Variants in DST observed in about 807,000 individuals in gnomAD.
DST encodes the protein bullous pemphigoid antigen.
In DST, 253 loss-of-function variants were observed where a neutral mutation model predicts 875.2. That is an observed-to-expected ratio of 0.29 (90% CI 0.26 to 0.32). The LOEUF (loss-of-function observed/expected upper bound fraction) is 0.32, where lower values mean the gene tolerates loss of function less well. Ranked by LOEUF, DST falls within the 10% of genes least tolerant of loss-of-function variation. DST has a pLI of 1.00. For missense variants in DST, 8,287 were observed against 9,111.6 expected (o/e 0.91, Z 3.68); for synonymous variants, 3,124 against 3,197.1 (o/e 0.98, Z 0.77).
intron 90 of DST, among the ~76,000 whole-genome samples, chr6:56,481,789 T>G (rs911015579): frequency 6.6e-6 from 1 of 152,186 alleles, no homozygotes; most frequent in Admixed American, 6.5e-5. Flanking sequence ...TAAATCAATA[T>G]GCTTCCTTGA....
At chr6:56,893,604 TA>T (rs1293212454) in intron 3 of DST, among the ~76,000 whole-genome samples, 13 of 73,504 alleles carry the variant, frequency 1.8e-4, no homozygotes, top group South Asian at 5.7e-4. Flanking sequence ...TTTTATTTTT[TA>T]TTTTTTATTT....
At chr6:56,933,962 T>C (rs963462745) in intron 2 of DST, among the ~76,000 whole-genome samples, 1 of 152,204 alleles carries the variant, frequency 6.6e-6, no homozygotes, top group Admixed American at 6.5e-5. Flanking sequence ...AGCCAATTCC[T>C]ACATTGTCTC....
intron 4 of DST, among the ~76,000 whole-genome samples, chr6:56,808,897 G>A (rs1017431587): frequency 2.0e-5 from 3 of 152,166 alleles, no homozygotes; most frequent in African/African-American, 7.2e-5. Flanking sequence ...ATAATGGCTA[G>A]TGGGCAAATT....
intron 4 of DST, among the ~76,000 whole-genome samples, chr6:56,776,305 C>T (rs2099678983): frequency 6.6e-6 from 1 of 152,110 alleles, no homozygotes. Context: ...CCAGAGAAGA[C>T]TACAGAGACA....
chr6:56,489,643 T>G, intron 85 of DST, 34 bp from the exon 86 acceptor site: 1 of 1,593,214 alleles, frequency 6.3e-7, no homozygotes, highest in Non-Finnish European at 8.5e-7. Flanking sequence ...TCTGAAAATT[T>G]TTCAAGCATA....
intron 4 of DST, among the ~76,000 whole-genome samples, chr6:56,770,999 CAA>C (rs199539222): frequency 2.8e-4 from 22 of 77,292 alleles, no homozygotes; most frequent in Non-Finnish European, 2.4e-4. Flanking sequence ...AACTCCATCT[CAA>C]AAAAAAAAAA....
intron 49 of DST, among the ~76,000 whole-genome samples, chr6:56,587,564 C>T (rs1221963882): frequency 6.6e-6 from 1 of 152,042 alleles, no homozygotes; most frequent in Non-Finnish European, 1.5e-5. Flanking sequence ...CAGAGAATGC[C>T]ACAAAGATAC....
chr6:56,689,343 C>T (rs1277966947), intron 9 of DST, among the ~76,000 whole-genome samples: 2 of 152,092 alleles, frequency 1.3e-5, no homozygotes, highest in Admixed American at 6.6e-5. Flanking sequence ...AGAAGAACTT[C>T]GATCTTCTGC....
intron 2 of DST, among the ~76,000 whole-genome samples, chr6:56,902,646 T>C (rs1794658454): frequency 6.6e-6 from 1 of 152,188 alleles, no homozygotes; most frequent in Non-Finnish European, 1.5e-5. Context: ...CATCCGCAAA[T>C]ACTTTAGTCT....
chr6:56,772,657 A>T (rs752918706), intron 4 of DST, among the ~76,000 whole-genome samples: 2 of 152,214 alleles, frequency 1.3e-5, no homozygotes, highest in African/African-American at 2.4e-5. Context: ...AACAATTAAA[A>T]TCACAAGTAG....
At chr6:56,928,343 A>G (rs1478955938) in intron 2 of DST, among the ~76,000 whole-genome samples, 1 of 152,038 alleles carries the variant, frequency 6.6e-6, no homozygotes, top group Non-Finnish European at 1.5e-5. Flanking sequence ...AGTGCCCCCT[A>G]TTGACGCAGC....
In DST at chr6:56,560,296, A is replaced by C; in HGVS notation, c.14438T>G (p.Ile4813Arg). Reference sequence around the variant, plus strand: ...TTCATCTAAGTAACGCAACATACCTATTTCTGTCAACATCTGTTTCCATCT... The same window carrying C: ...TTCATCTAAGTAACGCAACATACCTCTTTCTGTCAACATCTGTTTCCATCT... Reference protein sequence around the residue: ...APRWKQMLTEIDSKWQELNQL... With the variant: ...APRWKQMLTERDSKWQELNQL... Residue 4813 changes from isoleucine to arginine, a missense_variant and splice_region_variant, in exon 58 of 104, where the codon ATA (isoleucine) becomes AGA (arginine). This residue lies in a region of DST where 1,513 missense variants were observed against 1,677.8 expected (regional missense o/e 0.90). Transcript: ENST00000680361. 6.2e-7 allele frequency: 1 copy of C among 1,605,378 alleles called. No individual in the cohort carries two copies.
Position 56,742,852 on chromosome 6 carries a change from C to A in DST, c.626-7563G>T, listed in dbSNP as rs184364889. 2.0e-5 allele frequency among the ~76,000 whole-genome samples: 3 copies of A among 152,296 alleles called. No individual in the cohort carries two copies. In the East Asian group the frequency reaches 5.8e-4, roughly 29 times the overall value. On this transcript the variant is annotated intron_variant, in intron 4 of 103. Coordinates refer to ENST00000680361, the MANE Select transcript of DST (RefSeq NM_001374736.1). ...AGACATACATCCTTCTGGGAGAAAA[C>A]CACTTTTGGGTATTTCTTTATGTAT...
intron 2 of DST, among the ~76,000 whole-genome samples, chr6:56,927,963 C>G (rs1808067440): frequency 1.3e-5 from 2 of 152,076 alleles, no homozygotes; most frequent in Admixed American, 6.6e-5. Context: ...CATGGGAGCT[C>G]AAAGGAAGGG....
intron 94 of DST, among the ~76,000 whole-genome samples, chr6:56,471,474 A>C (rs568710919): frequency 1.3e-5 from 2 of 152,302 alleles, no homozygotes; most frequent in South Asian, 2.1e-4. Flanking sequence ...TTTACAAATA[A>C]AATTCCTAAA....
intron 36 of DST, among the ~76,000 whole-genome samples, chr6:56,621,744 T>C (rs1254632416): frequency 6.6e-6 from 1 of 152,188 alleles, no homozygotes; most frequent in Non-Finnish European, 1.5e-5. Context: ...TATTCTAGTG[T>C]GTTAGTTTTG....
Position 56,891,847 on chromosome 6 carries a change from G to T in DST, c.417+8574C>A, listed in dbSNP as rs139205411. Among the ~76,000 whole-genome samples, 1,327 of 152,308 alleles carry T rather than the reference G, an allele frequency of 8.7e-3. 20 individuals are homozygous for T. The highest frequency in any genetic ancestry group is 0.03 in the African/African-American group (1,259 of 41,550). On this transcript the variant is annotated intron_variant, in intron 3 of 103. Transcript: ENST00000680361. ...TCAAAAAAAAACACTCCTCAGAATGGTTTTTTGCCCATGCAACTGAGTAAT... is the reference window on the plus strand; with the variant it reads ...TCAAAAAAAAACACTCCTCAGAATGTTTTTTTGCCCATGCAACTGAGTAAT...
At chr6:56,940,675 G>A (rs1816081473) in intron 2 of DST, among the ~76,000 whole-genome samples, 1 of 151,852 alleles carries the variant, frequency 6.6e-6, no homozygotes, top group Non-Finnish European at 1.5e-5. Context: ...GACCTCCTGG[G>A]CTCAAGAGAT....
chr6:56,605,325 T>G lies in DST; in HGVS notation c.9303A>C (p.Glu3101Asp). The G allele has an allele frequency of 6.2e-7, 1 of 1,612,452 alleles. No individual in the cohort carries two copies. Among genetic ancestry groups the G allele is most frequent in the East Asian group, 2.2e-5 (1 of 44,810 alleles). Residue 3101 changes from glutamate (E) to aspartate (D), a missense_variant, in exon 40 of 104, where the codon GAA becomes GAC. Glu to Asp is a conservative substitution (Grantham distance 45). Transcript: ENST00000680361. ...QFPFPQITNNEELNQKGSLKK... is the reference protein window; with the variant it reads ...QFPFPQITNNDELNQKGSLKK... ...TAAGGCTTCCTTTCTGATTAAGTTCTTCATTGTTTGTGATTTGTGGAAATG... is the reference window on the plus strand; with the variant it reads ...TAAGGCTTCCTTTCTGATTAAGTTCGTCATTGTTTGTGATTTGTGGAAATG...
Sources: allele counts gnomAD v4.1 joint callset (sites outside exome capture counted in the v4.1 genomes callset), GRCh38; gene constraint gnomAD v4.1.1; regional missense constraint gnomAD v4.1.1; transcripts MANE v1.5; gene names NCBI Gene and HGNC (gene_info 2026-07-23, HGNC 2026-07-21).